CPSF4L: variants seen among roughly 807,000 people sequenced by gnomAD.
CPSF4L encodes cleavage and polyadenylation specific factor 4 like, also known as putative cleavage and polyadenylation specificity factor subunit 4-like protein.
CPSF4L carries 18 observed loss-of-function variants against 24.0 expected under a neutral mutation model. The observed-to-expected ratio is 0.75, with a 90% CI of 0.52 to 1.11. The LOEUF (loss-of-function observed/expected upper bound fraction) is 1.11, where lower values mean the gene tolerates loss of function less well. Among genes scored for constraint, CPSF4L ranks in the 50% least tolerant of loss-of-function variants. The pLI is 0.00. For missense variants in CPSF4L, 211 were observed against 221.8 expected, an observed-to-expected ratio of 0.95 and a Z score of 0.31; for synonymous variants, 72 against 77.2, an observed-to-expected ratio of 0.93 and a Z score of 0.35.
chr17:73,250,982 C>T (rs1161354068), intron 5 of CPSF4L: 2 of 1,538,008 alleles, frequency 1.3e-6, no homozygotes, highest in East Asian at 2.5e-5. Flanking sequence ...CCCTGTGGCA[C>T]AGGCCCTGCC....
intron 5 of CPSF4L, chr17:73,249,674 T>C (rs1007939238): frequency 6.6e-6 from 1 of 152,222 alleles, no homozygotes; most frequent in African/African-American, 2.4e-5. Context: ...TTAAGTTGCT[T>C]GGTATTGGCC....
upstream of CPSF4L, chr17:73,261,992 C>T (rs2062048818): frequency 3.3e-6 from 2 of 600,778 alleles, no homozygotes; most frequent in Non-Finnish European, 5.9e-6. Context: ...AGGAGCAGGG[C>T]CCAGCTGCCT....
rs2062047125 is a variant in CPSF4L at position 73,261,701 on chromosome 17, C to T, written c.103+15G>A. 1 of 1,511,214 alleles carries T rather than the reference C, an allele frequency of 6.6e-7. No homozygotes were observed. Among genetic ancestry groups the T allele is most frequent in the Non-Finnish European group, 9.0e-7 (1 of 1,110,236 alleles). 93.6% of individuals were successfully genotyped at this position (1,511,214 alleles called of 1,614,324 possible). The stretch of plus-strand genomic sequence containing the variant: ...GAGAAGGTAGGGGAGGGAAAGTGGC[C>T]CCACCCTCACTCACTGTCCATGCCC... On this transcript the variant is annotated intron_variant, in intron 1 of 5. Coordinates refer to ENST00000344935, the MANE Select transcript of CPSF4L (RefSeq NM_001129885.1).
chr17:73,247,328 CAT>C (rs542173814), downstream of CPSF4L: 294 of 1,614,164 alleles, frequency 1.8e-4, 3 homozygotes, highest in South Asian at 3.0e-3. Flanking sequence ...CGCTCTAAAA[CAT>C]GTTTGGATTA....
At chr17:73,244,580 A>C (rs2061914589), downstream of CPSF4L, 1 of 151,324 alleles carries the variant, frequency 6.6e-6, no homozygotes, top group African/African-American at 2.4e-5. Context: ...AAAAAAAAAA[A>C]AAACCACCAG....
chr17:73,251,217 C>G, intron 5 of CPSF4L: 1 of 1,236,760 alleles, frequency 8.1e-7, no homozygotes, highest in Non-Finnish European at 1.1e-6. Context: ...AACCAGGGTT[C>G]AAGATGCCTT....
chr17:73,248,392 ATAAGTTT>A, downstream of CPSF4L: 1 of 1,069,102 alleles, frequency 9.4e-7, no homozygotes, highest in Non-Finnish European at 1.4e-6. Context: ...AAACAGCCTT[ATAAGTTT>A]TGTCTCTTAA....
rs144325545 is a variant in CPSF4L, at chr17:73,248,469, T to C, written c.*25A>G. 252 of 1,550,878 alleles carry C rather than the reference T, an allele frequency of 1.6e-4. 1 individual carries two copies. The African/African-American group carries it at 2.9e-3, about 18-fold the overall frequency. ...TTCTGCCCTGTCTGTGGCATTGGAG[T>C]GCCCCGCTAGGTAAGAAGCAACGCT... On this transcript the variant is annotated 3_prime_UTR_variant, in exon 6 of 6. Coordinates refer to ENST00000344935, the MANE Select transcript of CPSF4L (RefSeq NM_001129885.1).
At chr17:73,248,214 G>A (rs2061978699), downstream of CPSF4L, 1 of 426,128 alleles carries the variant, frequency 2.3e-6, no homozygotes, top group Non-Finnish European at 4.3e-6. Context: ...GTGATCACCA[G>A]ATTAAAAGCT....
At chr17:73,248,077 C>T (rs745657649), downstream of CPSF4L, 10 of 164,212 alleles carry the variant, frequency 6.1e-5, no homozygotes, top group African/African-American at 1.2e-4. Context: ...CTCAGCATGA[C>T]GAGGAAGCAC....
chr17:73,247,348 C>G (rs570880682), downstream of CPSF4L: 31 of 1,614,006 alleles, frequency 1.9e-5, 1 homozygote, highest in South Asian at 3.1e-4. Flanking sequence ...TTAGGAAGCA[C>G]GTTTAAGTAG....
chr17:73,250,986 C>T, intron 5 of CPSF4L: 2 of 1,542,690 alleles, frequency 1.3e-6, no homozygotes, highest in Non-Finnish European at 8.7e-7. Context: ...GTGGCACAGG[C>T]CCTGCCCTTG....
At chr17:73,248,662 G>T in intron 5 of CPSF4L, 126 bp from the exon 6 acceptor site, 1 of 967,404 alleles carries the variant, frequency 1.0e-6, no homozygotes, top group East Asian at 2.6e-5. Context: ...GGACGTATTT[G>T]AAGGTTCTGT....
chr17:73,254,048 G>A lies in CPSF4L; in HGVS notation c.308-22C>T, dbSNP rs545671735. The A allele has an allele frequency of 6.1e-5, 94 of 1,530,198 alleles. No individual in the cohort carries two copies. In the South Asian group the frequency reaches 1.0e-3, roughly 17 times the overall value. The allele number at this position is 1,530,198 out of a possible 1,614,324, so 94.8% of individuals were successfully genotyped here. A position where few individuals can be genotyped will look rare whatever the true frequency, so the allele number is the denominator to read the frequency against. On this transcript the variant is annotated intron_variant, in intron 3 of 5. Coordinates refer to ENST00000344935, the MANE Select transcript of CPSF4L (RefSeq NM_001129885.1). ...TCACCTGAAAATCCCAGCACTCTCT[G>A]TAGAAGCAGTTTCTCTTTGTGATCA...
intron 2 of CPSF4L, 22 bp from the exon 3 acceptor site, chr17:73,257,855 G>T (rs1490546031): frequency 6.4e-7 from 1 of 1,550,398 alleles, no homozygotes; most frequent in Non-Finnish European, 8.7e-7. Flanking sequence ...AGAGCACCTG[G>T]CTGGGAGGCC....
chr17:73,247,322 C>G, downstream of CPSF4L: 1 of 1,614,206 alleles, frequency 6.2e-7, no homozygotes, highest in Non-Finnish European at 8.5e-7. Flanking sequence ...GATTGCCGCT[C>G]TAAAACATGT....
chr17:73,262,402 G>C (rs534142527), upstream of CPSF4L: 1 of 152,592 alleles, frequency 6.6e-6, no homozygotes, highest in East Asian at 1.9e-4. Context: ...GTGGGAGACA[G>C]GGAAAAAGGA....
intron 5 of CPSF4L, chr17:73,251,120 C>T (rs931468383): frequency 9.8e-6 from 15 of 1,530,314 alleles, no homozygotes; most frequent in East Asian, 9.8e-5. Context: ...GAAGTGCAGT[C>T]GTGAGAAAAC....
chr17:73,262,571 T>G (rs1473537412), upstream of CPSF4L, among the ~76,000 whole-genome samples: 1 of 152,220 alleles, frequency 6.6e-6, no homozygotes, highest in Non-Finnish European at 1.5e-5. Context: ...CCTGAGAAAG[T>G]GCTTTATAAA....
Sources: allele counts gnomAD v4.1 joint callset (sites outside exome capture counted in the v4.1 genomes callset), GRCh38; gene constraint gnomAD v4.1.1; transcripts MANE v1.5; gene names NCBI Gene and HGNC (gene_info 2026-07-23, HGNC 2026-07-21).